Variants in AKAP1 observed in about 807,000 individuals in gnomAD.
The protein encoded by AKAP1 is A-kinase anchoring protein 1.
Under a neutral mutation model 79.8 loss-of-function variants are expected in AKAP1, and 32 were observed. The observed-to-expected ratio is 0.40, with a 90% confidence interval of 0.30 to 0.54. AKAP1 has a LOEUF of 0.54. Ranked by LOEUF, AKAP1 falls within the 20% of genes least tolerant of loss-of-function variation. The pLI, the probability that AKAP1 is intolerant of heterozygous loss-of-function variation, is 0.47. For synonymous variants in AKAP1, 416 were observed against 466.7 expected (o/e 0.89, Z 1.40); for missense variants, 961 against 1,138.9 (o/e 0.84, Z 2.25).
intron 2 of AKAP1, among the ~76,000 whole-genome samples, chr17:57,108,940 C>A (rs1819053575): frequency 6.6e-6 from 1 of 152,236 alleles, no homozygotes; most frequent in South Asian, 2.1e-4. Context: ...TTCCCGCAGG[C>A]TAGCCAAGCA....
In AKAP1 at chr17:57,105,779, A is replaced by G. The variant is rs767738184; in HGVS notation, c.315A>G (p.Ser105=). Residue 105 remains serine, a synonymous_variant, in exon 2 of 11, where the codon TCA becomes TCG. Coordinates refer to ENST00000337714, the MANE Select transcript of AKAP1 (RefSeq NM_003488.4). ...LLQTHPPCRR[S]ESSGILPNTT... is the part of the protein sequence containing the mutation. ...AGACACACCCACCTTGCCGAAGATC[A>G]GAGTCCTCGGGCATTCTTCCTAACA... The G allele has an allele frequency of 6.2e-7, 1 of 1,614,224 alleles. No homozygotes were observed. The highest frequency in any genetic ancestry group is 1.3e-5 in the African/African-American group (1 of 75,054).
intron 1 of AKAP1, among the ~76,000 whole-genome samples, chr17:57,101,417 T>G (rs925093839): frequency 2.0e-5 from 3 of 152,052 alleles, no homozygotes; most frequent in African/African-American, 7.2e-5. Flanking sequence ...CCTCAAGCGA[T>G]TTGCCGCCCC....
At chr17:57,093,814 CAGT>C (rs1913926940) in intron 1 of AKAP1, 1 of 149,836 alleles carries the variant, frequency 6.7e-6, no homozygotes, top group Non-Finnish European at 1.5e-5. Flanking sequence ...CCACCATTGT[CAGT>C]AGTATTATTT....
At chr17:57,095,289 G>A (rs1015935922) in intron 1 of AKAP1, 2 of 152,008 alleles carry the variant, frequency 1.3e-5, no homozygotes, top group Non-Finnish European at 2.9e-5. Context: ...AGCCTCTCGA[G>A]TAGTTGGGAC....
chr17:57,107,097 A>G lies in AKAP1; in HGVS notation c.1633A>G (p.Asn545Asp). 6.2e-7 allele frequency: 1 copy of G among 1,614,154 alleles called. No homozygotes were observed. The highest frequency in any genetic ancestry group is 8.5e-7 in the Non-Finnish European group (1 of 1,180,010). The change falls in exon 2 of 11, where the codon AAT becomes GAT. Residue 545 changes from asparagine to aspartate, a missense_variant. By Grantham distance (23) the Asn-to-Asp change is conservative (BLOSUM62 1). Around this residue, in one of 3 missense-constraint regions of AKAP1, gnomAD observed 629 missense variants for 781.1 expected, o/e 0.81. Coordinates refer to ENST00000337714, the MANE Select transcript of AKAP1 (RefSeq NM_003488.4). ...GCCAGAAAGTACTGTGCCCTTCAGC[A>G]ATGGGGTGCTGAAGGGGGAGTTGTC... is the stretch of plus-strand genomic sequence containing the variant. ...PLPESTVPFS[N>D]GVLKGELSDL...
rs376137828 is a variant in AKAP1, at chr17:57,106,013, C to T, written c.549C>T (p.Pro183=). The T allele has an allele frequency of 3.5e-5, 56 of 1,613,682 alleles. No homozygotes were observed. Among genetic ancestry groups the T allele is most frequent in the Middle Eastern group, 1.6e-4 (1 of 6,084 alleles). ...RVPRKVQPGY[P]VVPAEKRSSG... is the part of the protein sequence containing the mutation. ...CAAGGAAGGTCCAGCCAGGCTACCC[C>T]GTAGTCCCCGCAGAGAAGCGTAGCT... Residue 183 remains proline (P), a synonymous_variant, in exon 2 of 11, where the codon CCC becomes CCT. Coordinates refer to ENST00000337714, the MANE Select transcript of AKAP1 (RefSeq NM_003488.4).
Position 57,110,099 on chromosome 17 carries a change from C to A in AKAP1, c.1789C>A (p.Gln597Lys). Residue 597 changes from glutamine (Q) to lysine (K), a missense_variant, in exon 3 of 11, where the codon CAG becomes AAG. This residue lies in a region of AKAP1 where 629 missense variants were observed against 781.1 expected (regional missense o/e 0.81). Coordinates refer to ENST00000337714, the MANE Select transcript of AKAP1 (RefSeq NM_003488.4). ...LKKTESFQNA[Q>K]AGSNPKKVDL... ...GAAGACTGAGAGCTTCCAAAATGCC[C>A]AGGCAGGCTCCAACCCTAAGAAGGT... 6.2e-7 allele frequency: 1 copy of A among 1,614,162 alleles called. No individual in the cohort carries two copies. Among genetic ancestry groups the A allele is most frequent in the Non-Finnish European group, 8.5e-7 (1 of 1,180,020 alleles).
At chr17:57,112,297 A>G (rs1037976065) in intron 4 of AKAP1, among the ~76,000 whole-genome samples, 194 bp from the exon 5 acceptor site, 5 of 152,208 alleles carry the variant, frequency 3.3e-5, no homozygotes, top group African/African-American at 1.2e-4. Flanking sequence ...ATGGATCATA[A>G]TGGCAGAGGT....
At chr17:57,101,711 G>GT (rs909609850) in intron 1 of AKAP1, 9 of 152,296 alleles carry the variant, frequency 5.9e-5, no homozygotes, top group Admixed American at 5.2e-4. Context: ...AAAGGAGGAA[G>GT]TAAGACTCTT....
chr17:57,090,967 C>T (rs1913748859), intron 1 of AKAP1, among the ~76,000 whole-genome samples: 1 of 152,322 alleles, frequency 6.6e-6, no homozygotes, highest in South Asian at 2.1e-4. Context: ...TAGCTGGCCT[C>T]CTGATTAGAG....
At chr17:57,090,708 C>T (rs1448371191) in intron 1 of AKAP1, among the ~76,000 whole-genome samples, 1 of 152,098 alleles carries the variant, frequency 6.6e-6, no homozygotes, top group African/African-American at 2.4e-5. Context: ...CAGGATCCTA[C>T]TCTTAACTCT....
chr17:57,119,178 C>G, intron 10 of AKAP1, 134 bp downstream of exon 10: 1 of 955,082 alleles, frequency 1.0e-6, no homozygotes, highest in Non-Finnish European at 1.6e-6. Context: ...CTAGGGAACA[C>G]TTTGGATGTC....
In AKAP1 at chr17:57,118,972, C is replaced by A. The variant is rs200645805; in HGVS notation, c.2575-10C>A. Reference sequence around the variant, plus strand: ...CTAACCATATTATTCTTTCCACCCCCCTTCTTCAGGTGACAAGTTACAGTC... The same window carrying A: ...CTAACCATATTATTCTTTCCACCCCACTTCTTCAGGTGACAAGTTACAGTC... On this transcript the variant is annotated splice_polypyrimidine_tract_variant and intron_variant, in intron 9 of 10. Transcript: ENST00000337714. 1 of 1,612,918 alleles carries A rather than the reference C, an allele frequency of 6.2e-7. No homozygotes were observed. Among genetic ancestry groups the A allele is most frequent in the Non-Finnish European group, 8.5e-7 (1 of 1,179,110 alleles).
Position 57,106,298 on chromosome 17 carries a change from G to A in AKAP1, c.834G>A (p.Glu278=). The A allele has an allele frequency of 4.3e-6, 7 of 1,614,212 alleles. No homozygotes were observed. The highest frequency in any genetic ancestry group is 5.9e-6 in the Non-Finnish European group (7 of 1,180,050). Residue 278 remains glutamate, a synonymous_variant, in exon 2 of 11, where the codon GAG becomes GAA. Coordinates refer to ENST00000337714, the MANE Select transcript of AKAP1 (RefSeq NM_003488.4). ...GGTTCATCGAGTCGGCTCACACAGA[G>A]CTGGCAAAGGACGATGCGGCGCCAG... ...PSRFIESAHT[E]LAKDDAAPAP...
At chr17:57,112,217 A>G (rs1915290702) in intron 4 of AKAP1, among the ~76,000 whole-genome samples, 1 of 152,178 alleles carries the variant, frequency 6.6e-6, no homozygotes, top group South Asian at 2.1e-4. Context: ...CTCTCAAAGC[A>G]GAAGTGCCCT....
At chr17:57,112,652 C>A in intron 5 of AKAP1, 34 bp downstream of exon 5, 1 of 1,570,602 alleles carries the variant, frequency 6.4e-7, no homozygotes, top group Non-Finnish European at 8.6e-7. Context: ...GGACTTCTTG[C>A]CACTTTCCCC....
chr17:57,119,679 C>T lies in AKAP1; in HGVS notation c.2638-571C>T, dbSNP rs535855323. 3.4e-4 allele frequency among the ~76,000 whole-genome samples: 51 copies of T among 151,952 alleles called. 1 individual carries two copies. In the South Asian group the frequency reaches 7.5e-3, roughly 22 times the overall value. The stretch of plus-strand genomic sequence containing the variant: ...GCAGTGAACCAACATTGTGCCACTG[C>T]ACTCCAGCCTGGGTGACAGAGCAAG... On this transcript the variant is annotated intron_variant, in intron 10 of 10. Coordinates refer to ENST00000337714, the MANE Select transcript of AKAP1 (RefSeq NM_003488.4).
intron 2 of AKAP1, among the ~76,000 whole-genome samples, chr17:57,108,368 C>T (rs1472134364): frequency 1.3e-5 from 2 of 152,110 alleles, no homozygotes; most frequent in Non-Finnish European, 2.9e-5. Context: ...ATCCTAATCT[C>T]GGGATGTTTA....
In AKAP1 at chr17:57,107,114, G is replaced by A; in HGVS notation, c.1650G>A (p.Gly550=). Residue 550 remains glycine (G), a synonymous_variant, in exon 2 of 11, where the codon GGG becomes GGA. Coordinates refer to ENST00000337714, the MANE Select transcript of AKAP1 (RefSeq NM_003488.4). ...TVPFSNGVLK[G]ELSDLGAEDG... ...CCTTCAGCAATGGGGTGCTGAAGGG[G>A]GAGTTGTCAGACTTGGGGGCTGAGG... 6.2e-7 allele frequency: 1 copy of A among 1,609,774 alleles called. No homozygotes were observed. Among genetic ancestry groups the A allele is most frequent in the Non-Finnish European group, 8.5e-7 (1 of 1,177,096 alleles).
Sources: allele counts gnomAD v4.1 joint callset (sites outside exome capture counted in the v4.1 genomes callset), GRCh38; gene constraint gnomAD v4.1.1; regional missense constraint gnomAD v4.1.1; transcripts MANE v1.5; gene names NCBI Gene and HGNC (gene_info 2026-07-23, HGNC 2026-07-21).